Variants in TENM2 observed in about 807,000 individuals in gnomAD.
TENM2 encodes teneurin transmembrane protein 2.
A neutral mutation model predicts 245.2 loss-of-function variants in TENM2; 52 were observed. That is an observed-to-expected ratio of 0.21 (90% CI 0.17 to 0.27). The LOEUF is 0.27. Ranked by LOEUF, TENM2 falls within the 10% of genes least tolerant of loss-of-function variation. TENM2 has a pLI of 1.00. For missense variants in TENM2, 3,046 were observed against 3,666.8 expected, an observed-to-expected ratio of 0.83 and a Z score of 4.37; for synonymous variants, 1,363 against 1,438.9, an observed-to-expected ratio of 0.95 and a Z score of 1.19.
At chr5:167,945,999 C>G (rs1292355854) in intron 3 of TENM2, among the ~76,000 whole-genome samples, 3 of 152,166 alleles carry the variant, frequency 2.0e-5, no homozygotes, top group Non-Finnish European at 4.4e-5. Context: ...ACAGCAGTGA[C>G]CAGATCCAAG....
intron 9 of TENM2, among the ~76,000 whole-genome samples, chr5:168,100,150 T>C (rs1246876285): frequency 6.6e-6 from 1 of 152,160 alleles, no homozygotes; most frequent in Non-Finnish European, 1.5e-5. Context: ...GTTTTCCAAA[T>C]ATACAATCAC....
the TENM2 span, among the ~76,000 whole-genome samples, chr5:167,022,664 C>T: frequency 1.3e-5 from 2 of 152,056 alleles, no homozygotes; most frequent in African/African-American, 4.8e-5. Flanking sequence ...AAAAATTTGG[C>T]GATCTGGCAA....
chr5:167,135,237 T>C, the TENM2 span, among the ~76,000 whole-genome samples: 12 of 152,308 alleles, frequency 7.9e-5, no homozygotes, highest in Admixed American at 6.5e-4. Context: ...ACTTTCAAAA[T>C]AGGAAACATA....
At chr5:167,354,505 C>T (rs111773591) in intron 1 of TENM2, among the ~76,000 whole-genome samples, 3,539 of 152,250 alleles carry the variant, frequency 0.023, 99 homozygotes, top group African/African-American at 0.074. Context: ...CCCCTAAACC[C>T]TCCCCCATCT....
At chr5:167,338,683 G>A (rs1030493294) in intron 1 of TENM2, among the ~76,000 whole-genome samples, 1 of 152,194 alleles carries the variant, frequency 6.6e-6, no homozygotes, top group South Asian at 2.1e-4. Flanking sequence ...TGCTTGCTAT[G>A]TATTAGTTAG....
chr5:167,275,260 C>G, the TENM2 span, among the ~76,000 whole-genome samples: 3 of 152,012 alleles, frequency 2.0e-5, no homozygotes, highest in Admixed American at 1.3e-4. Context: ...AGTATTGATT[C>G]CTGTGGCTCT....
rs190887170 is a variant in TENM2 at position 167,488,665 on chromosome 5, C to G, written c.502+113192C>G. On this transcript the variant is annotated intron_variant, in intron 2 of 28. Transcript: ENST00000518659. ...AAATCCTGCACCCCGCCCCCTTCTA[C>G]CCCCACCACATCCAAAGTGATCTCA... Among the ~76,000 whole-genome samples the G allele has an allele frequency of 1.8e-4, 27 of 151,706 alleles. No individual in the cohort carries two copies. In the East Asian group the frequency reaches 4.7e-3, roughly 26 times the overall value.
intron 6 of TENM2, among the ~76,000 whole-genome samples, chr5:168,053,489 A>G (rs1789283893): frequency 6.6e-6 from 1 of 152,146 alleles, no homozygotes; most frequent in Non-Finnish European, 1.5e-5. Flanking sequence ...TATACCTCTG[A>G]TATGTTGGCC....
the TENM2 span, among the ~76,000 whole-genome samples, chr5:166,996,014 A>T: frequency 1.3e-5 from 2 of 151,926 alleles, no homozygotes; most frequent in Non-Finnish European, 2.9e-5. Context: ...TAATTAAAAA[A>T]TTTGCTATAC....
At chr5:168,030,259 G>C (rs991878904) in intron 5 of TENM2, among the ~76,000 whole-genome samples, 6 of 139,246 alleles carry the variant, frequency 4.3e-5, no homozygotes, top group Admixed American at 1.6e-4. Flanking sequence ...CACACTACCT[G>C]TATGGGCAGA....
intron 2 of TENM2, among the ~76,000 whole-genome samples, chr5:167,427,790 AGG>A (rs1448985434): frequency 1.6e-5 from 2 of 122,360 alleles, no homozygotes; most frequent in African/African-American, 6.3e-5. Flanking sequence ...AAGGGAAGGA[AGG>A]GAAGGAAGGA....
intron 2 of TENM2, among the ~76,000 whole-genome samples, chr5:167,464,388 A>G (rs755376866): frequency 1.3e-5 from 2 of 152,232 alleles, no homozygotes; most frequent in Non-Finnish European, 2.9e-5. Context: ...CGACAAGTAT[A>G]TAGATAGCCT....
intron 1 of TENM2, among the ~76,000 whole-genome samples, chr5:167,290,545 C>T (rs577792320): frequency 5.3e-5 from 8 of 152,232 alleles, no homozygotes; most frequent in African/African-American, 1.9e-4. Context: ...GATTTGTTTC[C>T]CATGACTTGC....
chr5:167,962,147 C>G (rs947502998), intron 4 of TENM2, among the ~76,000 whole-genome samples: 1 of 152,196 alleles, frequency 6.6e-6, no homozygotes, highest in African/African-American at 2.4e-5. Flanking sequence ...AATTTACTTT[C>G]TGGTCTAGAG....
chr5:167,472,282 C>T (rs1347643240), intron 2 of TENM2, among the ~76,000 whole-genome samples: 1 of 152,102 alleles, frequency 6.6e-6, no homozygotes, highest in Admixed American at 6.6e-5. Flanking sequence ...AGGGTTTTCA[C>T]CAAGTTAAGT....
In TENM2 at chr5:168,244,913, G is replaced by C. The variant is rs1286055924; in HGVS notation, c.5817+197G>C. 6.6e-6 allele frequency among the ~76,000 whole-genome samples: 1 copy of C among 151,956 alleles called. No individual in the cohort carries two copies. Among genetic ancestry groups the C allele is most frequent in the African/African-American group, 2.4e-5 (1 of 41,364 alleles). On this transcript the variant is annotated intron_variant, in intron 26 of 28. Coordinates refer to ENST00000518659, the Ensembl canonical transcript of TENM2. The surrounding 1 kb of genome is among the most constrained non-coding windows in gnomAD (Gnocchi z 4.9). ...GCCTCCTGGGTAGCTGTGACTACAG[G>C]CACATGTCACCACGCCCGGCTAATT... is the stretch of plus-strand genomic sequence containing the variant.
intron 19 of TENM2, among the ~76,000 whole-genome samples, chr5:168,206,877 T>C (rs535867185): frequency 5.3e-5 from 8 of 152,134 alleles, no homozygotes; most frequent in Non-Finnish European, 1.2e-4. Flanking sequence ...CCTTCCTCCT[T>C]TGTCACTGTT....
chr5:167,659,831 G>C (rs140933700), intron 2 of TENM2, among the ~76,000 whole-genome samples: 1 of 152,250 alleles, frequency 6.6e-6, no homozygotes, highest in African/African-American at 2.4e-5. Context: ...CTCCCCATAT[G>C]ATGTGTTTGC....
At chr5:167,823,447 C>A (rs553694617) in intron 2 of TENM2, among the ~76,000 whole-genome samples, 1 of 152,256 alleles carries the variant, frequency 6.6e-6, no homozygotes, top group South Asian at 2.1e-4. Flanking sequence ...TTCCCCTCAC[C>A]CCCCTGCCAC....
Sources: allele counts gnomAD v4.1 joint callset (sites outside exome capture counted in the v4.1 genomes callset), GRCh38; gene constraint gnomAD v4.1.1; non-coding constraint Gnocchi (gnomAD v3.1); transcripts MANE v1.5; gene names NCBI Gene and HGNC (gene_info 2026-07-23, HGNC 2026-07-21).